The following CLEC16A variants were observed in gnomAD, a reference collection of about 807,000 sequenced individuals.
CLEC16A encodes the protein C-type lectin domain containing 16A, also known as protein CLEC16A.
Under a neutral mutation model 109.5 loss-of-function variants are expected in CLEC16A, and 51 were observed. The ratio of observed to expected loss-of-function variants is 0.47; its 90% CI spans 0.37 to 0.59. The LOEUF (loss-of-function observed/expected upper bound fraction) is 0.59. Among genes scored for constraint, CLEC16A ranks in the 20% least tolerant of loss-of-function variants. The pLI, the probability that CLEC16A is intolerant of heterozygous loss-of-function variation, is 0.00. For missense variants in CLEC16A, 1,339 were observed against 1,394.0 expected, an observed-to-expected ratio of 0.96 and a Z score of 0.63; for synonymous variants, 673 against 564.2, an observed-to-expected ratio of 1.19 and a Z score of -2.73.
In CLEC16A at chr16:10,944,652, G is replaced by T. The variant is rs2041245471; in HGVS notation, c.-66G>T. 10 of 1,469,252 alleles carry T rather than the reference G, an allele frequency of 6.8e-6. No individual in the cohort carries two copies. Among genetic ancestry groups the T allele is most frequent in the Non-Finnish European group, 9.3e-6 (10 of 1,074,610 alleles). The allele number at this position is 1,469,252 out of a possible 1,614,324, so 91.0% of individuals were successfully genotyped here. ...ATCCTCCGCTTGTGCTACCGCCGCG[G>T]GCGCTGGGCCGCTCTGCTGGTCCGG... On this transcript the variant is annotated 5_prime_UTR_variant, in exon 1 of 24. Transcript: ENST00000409790.
chr16:11,071,708 T>G (rs2049081823), intron 19 of CLEC16A, among the ~76,000 whole-genome samples: 1 of 148,814 alleles, frequency 6.7e-6, no homozygotes, highest in Admixed American at 6.7e-5. Flanking sequence ...CACCTTAGCC[T>G]CTTGACTAGC....
chr16:11,126,643 C>A, intron 22 of CLEC16A: 1 of 224,588 alleles, frequency 4.5e-6, no homozygotes, highest in Non-Finnish European at 8.8e-6. Flanking sequence ...TCTAACCCTG[C>A]TCCTCCGCTC....
intron 19 of CLEC16A, among the ~76,000 whole-genome samples, chr16:11,112,669 A>C (rs186484331): frequency 3.3e-5 from 5 of 152,256 alleles, no homozygotes; most frequent in African/African-American, 1.2e-4. Context: ...GTCAATACAT[A>C]CATACATACA....
chr16:10,965,323 A>T (rs2042449290), intron 3 of CLEC16A, among the ~76,000 whole-genome samples: 1 of 152,156 alleles, frequency 6.6e-6, no homozygotes, highest in Non-Finnish European at 1.5e-5. Flanking sequence ...CTTTGCTTTT[A>T]TTTTTGTTTT....
In CLEC16A at chr16:11,020,185, G is replaced by T. The variant is rs2046011079; in HGVS notation, c.1304-8G>T. 6.2e-7 allele frequency: 1 copy of T among 1,606,624 alleles called. No homozygotes were observed. The highest frequency in any genetic ancestry group is 1.1e-5 in the South Asian group (1 of 90,230). Reference sequence around the variant, plus strand: ...TGGACTCATCCCAGTCTCCATTTTGGCTTCCAGAGATCGAGATGGTGATCA... The same window carrying T: ...TGGACTCATCCCAGTCTCCATTTTGTCTTCCAGAGATCGAGATGGTGATCA... On this transcript the variant is annotated splice_polypyrimidine_tract_variant and splice_region_variant and intron_variant, in intron 11 of 23. Transcript: ENST00000409790.
In CLEC16A at chr16:11,170,608, G is replaced by A. The variant is rs185406808; in HGVS notation, c.2806+4056G>A. Among the ~76,000 whole-genome samples the A allele has an allele frequency of 9.9e-5, 15 of 152,226 alleles. 1 individual carries two copies. Among genetic ancestry groups the A allele is most frequent in the South Asian group, 2.1e-4 (1 of 4,826 alleles). On this transcript the variant is annotated intron_variant, in intron 23 of 23. Coordinates refer to ENST00000409790, the MANE Select transcript of CLEC16A (RefSeq NM_015226.3). Reference sequence around the variant, plus strand: ...ATCCAAGAGATCTCTCCACCCGCCCGGCCCACACGTGGCCTTCCAACCTCT... The same window carrying A: ...ATCCAAGAGATCTCTCCACCCGCCCAGCCCACACGTGGCCTTCCAACCTCT...
intron 19 of CLEC16A, among the ~76,000 whole-genome samples, chr16:11,082,554 G>A (rs1480881976): frequency 6.6e-6 from 1 of 152,170 alleles, no homozygotes; most frequent in East Asian, 1.9e-4. Context: ...TGGTGAATTG[G>A]GAATGAGTGG....
Position 10,944,686 on chromosome 16 carries a change from C to A in CLEC16A, c.-32C>A, listed in dbSNP as rs781124337. ...CCGCTCTGCTGGTCCGGCATGAGACCGTGAGACGAGAGACGGGTCGGGGCC... is the reference window on the plus strand; with the variant it reads ...CCGCTCTGCTGGTCCGGCATGAGACAGTGAGACGAGAGACGGGTCGGGGCC... On this transcript the variant is annotated 5_prime_UTR_variant, in exon 1 of 24. Transcript: ENST00000409790. 11 of 1,583,740 alleles carry A rather than the reference C, an allele frequency of 6.9e-6. No individual in the cohort carries two copies. The East Asian group carries it at 1.8e-4, about 26-fold the overall frequency.
chr16:11,075,288 T>C (rs1305242656), intron 19 of CLEC16A, among the ~76,000 whole-genome samples: 1 of 151,924 alleles, frequency 6.6e-6, no homozygotes, highest in Non-Finnish European at 1.5e-5. Flanking sequence ...GGACAGCTTC[T>C]GGGTGCAGCT....
At chr16:10,958,342 C>T (rs2042089399) in intron 2 of CLEC16A, among the ~76,000 whole-genome samples, 1 of 152,164 alleles carries the variant, frequency 6.6e-6, no homozygotes, top group South Asian at 2.1e-4. Context: ...TTCCCACCCA[C>T]CCCATGGTAG....
In CLEC16A at chr16:10,985,369, A is replaced by C. The variant is rs184156305; in HGVS notation, c.1071+2378A>C. 7.5e-4 allele frequency among the ~76,000 whole-genome samples: 114 copies of C among 151,900 alleles called. 4 individuals are homozygous for C. Among genetic ancestry groups the C allele is most frequent in the Admixed American group, 6.7e-3 (102 of 15,274 alleles). ...AGGAAGAAAAGTCCAGATTTTTGGA[A>C]TCTTCTCCAACAGTCAGAAGATCTG... On this transcript the variant is annotated intron_variant, in intron 10 of 23. Transcript: ENST00000409790.
At chr16:11,171,215 G>C (rs1208849396) in intron 23 of CLEC16A, among the ~76,000 whole-genome samples, 1 of 152,228 alleles carries the variant, frequency 6.6e-6, no homozygotes, top group Non-Finnish European at 1.5e-5. Context: ...CTCTCAGCTG[G>C]AAGGGGGAAG....
rs569055998 is a variant in CLEC16A at position 10,972,993 on chromosome 16, C to T, written c.660C>T (p.Phe220=). 6.2e-6 allele frequency: 10 copies of T among 1,611,718 alleles called. No homozygotes were observed. The East Asian group carries it at 1.3e-4, about 22-fold the overall frequency. The change falls in exon 7 of 24, where the codon TTC becomes TTT. Residue 220 remains phenylalanine (F), a synonymous_variant. Coordinates refer to ENST00000409790, the MANE Select transcript of CLEC16A (RefSeq NM_015226.3). ...GAGATAAAACTGCTGTTCCTTACTT[C>T]TCCAATTTGGTCTGGTTCATTGGGA... The part of the protein sequence containing the change: ...YIRDKTAVPY[F]SNLVWFIGSH...
chr16:11,179,428 A>G lies in CLEC16A; in HGVS notation c.*738A>G, dbSNP rs544379386. Reference sequence around the variant, plus strand: ...TTTTAAACAAAAACAAGGGAGATACATGTATTCTCAGGTACACACAGAGCT... The same window carrying G: ...TTTTAAACAAAAACAAGGGAGATACGTGTATTCTCAGGTACACACAGAGCT... On this transcript the variant is annotated 3_prime_UTR_variant, in exon 24 of 24. Coordinates refer to ENST00000409790, the MANE Select transcript of CLEC16A (RefSeq NM_015226.3). 3.3e-5 allele frequency: 5 copies of G among 152,362 alleles called. 1 individual carries two copies. The Middle Eastern group carries it at 0.014, about 415-fold the overall frequency. 9.4% of individuals were successfully genotyped at this position (152,362 alleles called of 1,614,324 possible).
intron 1 of CLEC16A, among the ~76,000 whole-genome samples, chr16:10,948,289 A>G (rs1439501054): frequency 6.6e-6 from 1 of 152,186 alleles, no homozygotes; most frequent in African/African-American, 2.4e-5. Flanking sequence ...TATTCTTTGT[A>G]ACACTCCCAG....
chr16:10,986,012 A>ATTTTTTTTTTTTTTTTTTTTTTTTTT (rs59547466), intron 10 of CLEC16A, among the ~76,000 whole-genome samples: 2 of 43,436 alleles, frequency 4.6e-5, no homozygotes, highest in African/African-American at 1.1e-4. Flanking sequence ...GGCCTGCAGA[A>ATTTTTTTTTTTTTTTTTTTTTTTTTT]TTTTTTTTTT....
chr16:11,002,113 C>T (rs2152750085), intron 10 of CLEC16A, among the ~76,000 whole-genome samples: 1 of 152,270 alleles, frequency 6.6e-6, no homozygotes, highest in East Asian at 1.9e-4. Context: ...GGCTCTGCCA[C>T]CTCCTGGCTG....
At chr16:10,987,405 A>C (rs2043737298) in intron 10 of CLEC16A, among the ~76,000 whole-genome samples, 2 of 152,160 alleles carry the variant, frequency 1.3e-5, no homozygotes, top group Non-Finnish European at 2.9e-5. Flanking sequence ...CCATTTAGTC[A>C]GGGGAAGTGT....
rs577809801 is a variant in CLEC16A at position 11,017,914 on chromosome 16, CAG to C, written c.1304-2277_1304-2276del. On this transcript the variant is annotated intron_variant, in intron 11 of 23. Transcript: ENST00000409790. Reference sequence around the variant, plus strand: ...ACTCAATGTAAAAGGGATCCTGGAACAGAAAAAAGACATTGGGAAAAACTAAT... The same window carrying C: ...ACTCAATGTAAAAGGGATCCTGGAACAAAAAAGACATTGGGAAAAACTAAT... Among the ~76,000 whole-genome samples, 56 of 141,632 alleles carry C rather than the reference CAG, an allele frequency of 4.0e-4. No homozygotes were observed. In the South Asian group the frequency reaches 7.7e-3, roughly 19 times the overall value. 92.9% of individuals were successfully genotyped at this position (141,632 alleles called of 152,430 possible). A position where few individuals can be genotyped will look rare whatever the true frequency, so the allele number is the denominator to read the frequency against.
Sources: allele counts gnomAD v4.1 joint callset (sites outside exome capture counted in the v4.1 genomes callset), GRCh38; gene constraint gnomAD v4.1.1; transcripts MANE v1.5; gene names NCBI Gene and HGNC (gene_info 2026-07-23, HGNC 2026-07-21).